ESRRG: variants seen among roughly 807,000 people sequenced by gnomAD.
The protein encoded by ESRRG is estrogen related receptor gamma.
ESRRG carries 13 observed loss-of-function variants against 44.0 expected under a neutral mutation model. The ratio of observed to expected loss-of-function variants is 0.30; its 90% CI spans 0.19 to 0.47. The LOEUF (loss-of-function observed/expected upper bound fraction) is 0.47, where lower values mean the gene tolerates loss of function less well. Among genes scored for constraint, ESRRG ranks in the 20% least tolerant of loss-of-function variants. The pLI is 1.00. For missense variants in ESRRG, 395 were observed against 580.6 expected (o/e 0.68, Z 3.29); for synonymous variants, 215 against 214.6 (o/e 1.00, Z -0.02).
At chr1:216,592,638 T>C (rs1199821870) in intron 3 of ESRRG, among the ~76,000 whole-genome samples, 3 of 152,054 alleles carry the variant, frequency 2.0e-5, no homozygotes, top group Non-Finnish European at 4.4e-5. Flanking sequence ...GTAGCTGGGA[T>C]TACAGGCATG....
At chr1:216,817,360 A>G (rs1239448601) in intron 2 of ESRRG, among the ~76,000 whole-genome samples, 1 of 152,240 alleles carries the variant, frequency 6.6e-6, no homozygotes, top group Non-Finnish European at 1.5e-5. Context: ...TTAGGAACAC[A>G]TTGTCATCAA....
At chr1:216,968,116 G>A (rs2070841655) in intron 1 of ESRRG, among the ~76,000 whole-genome samples, 1 of 152,052 alleles carries the variant, frequency 6.6e-6, no homozygotes, top group Non-Finnish European at 1.5e-5. Context: ...AGTTTTAAGA[G>A]TTCTTTGTAT....
At chr1:216,567,858 G>C (rs2059965308) in intron 4 of ESRRG, 130 bp downstream of exon 4, 1 of 621,230 alleles carries the variant, frequency 1.6e-6, no homozygotes, top group Admixed American at 2.7e-5. Flanking sequence ...TTTGGGAATA[G>C]AGCCACTGTT....
intron 3 of ESRRG, among the ~76,000 whole-genome samples, chr1:216,591,103 C>T (rs1277994050): frequency 2.0e-5 from 3 of 152,060 alleles, no homozygotes; most frequent in Non-Finnish European, 4.4e-5. Flanking sequence ...TGGCAGGCCC[C>T]CAGATAGCTT....
At chr1:217,010,689 C>A (rs910126302) in intron 1 of ESRRG, among the ~76,000 whole-genome samples, 1 of 152,164 alleles carries the variant, frequency 6.6e-6, no homozygotes, top group African/African-American at 2.4e-5. Context: ...TGTAACTCCA[C>A]ACCAAATTTG....
Position 216,793,690 on chromosome 1 carries a change from A to C in ESRRG, c.-13-116199T>G, listed in dbSNP as rs374668912. ...TAAGATTATAGATATTTGTTGTTTT[A>C]AGCTGTTAAAGTTTTCAATTAATTT... On this transcript the variant is annotated intron_variant, in intron 2 of 7. Coordinates refer to the ESRRG transcript ENST00000359162. Among the ~76,000 whole-genome samples the C allele has an allele frequency of 1.1e-4, 16 of 152,294 alleles. No homozygotes were observed. The South Asian group carries it at 3.1e-3, about 30-fold the overall frequency.
chr1:216,731,465 G>T lies in ESRRG; in HGVS notation c.-13-53974C>A, dbSNP rs140590743. Among the ~76,000 whole-genome samples the T allele has an allele frequency of 8.9e-4, 135 of 152,318 alleles. 1 individual carries two copies. The highest frequency in any genetic ancestry group is 3.2e-3 in the African/African-American group (131 of 41,572). ...CCTTGCAATTTTTAAAACAAGACCTGTGTGTTTTGCTTGATGATTTCATTG... is the reference window on the plus strand; with the variant it reads ...CCTTGCAATTTTTAAAACAAGACCTTTGTGTTTTGCTTGATGATTTCATTG... On this transcript the variant is annotated intron_variant, in intron 2 of 7. Transcript: ENST00000359162.
intron 2 of ESRRG, among the ~76,000 whole-genome samples, chr1:216,659,777 G>T (rs1298410102): frequency 6.6e-6 from 1 of 152,132 alleles, no homozygotes; most frequent in African/African-American, 2.4e-5. Flanking sequence ...CCTTTCAGGT[G>T]AGTCCCTCTC....
intron 1 of ESRRG, among the ~76,000 whole-genome samples, chr1:216,716,122 C>T (rs544682764): frequency 6.6e-6 from 1 of 152,104 alleles, no homozygotes; most frequent in African/African-American, 2.4e-5. Context: ...TGTCCGTGTT[C>T]CTTTGGATTC....
At chr1:216,812,908 G>A (rs1251306746) in intron 2 of ESRRG, among the ~76,000 whole-genome samples, 3 of 152,186 alleles carry the variant, frequency 2.0e-5, no homozygotes, top group Non-Finnish European at 4.4e-5. Flanking sequence ...GGATAGGGCT[G>A]ATATAAATGA....
chr1:216,999,102 T>G (rs1243661213), intron 1 of ESRRG, among the ~76,000 whole-genome samples: 1 of 152,156 alleles, frequency 6.6e-6, no homozygotes, highest in Admixed American at 6.5e-5. Flanking sequence ...GTGGCTTGGG[T>G]GAACTATTTA....
intron 2 of ESRRG, among the ~76,000 whole-genome samples, chr1:216,803,404 C>T (rs577783667): frequency 3.9e-5 from 6 of 152,230 alleles, no homozygotes; most frequent in East Asian, 3.9e-4. Context: ...TGTCCCCCGC[C>T]CCATCACCAA....
At chr1:217,080,015 G>A (rs982682668) in intron 1 of ESRRG, among the ~76,000 whole-genome samples, 1 of 152,096 alleles carries the variant, frequency 6.6e-6, no homozygotes, top group African/African-American at 2.4e-5. Context: ...TCACACAGCT[G>A]GTAAATTGCA....
chr1:216,543,914 A>G (rs4147270), intron 5 of ESRRG, among the ~76,000 whole-genome samples: 44,059 of 151,996 alleles, frequency 0.29, 7,379 homozygotes, highest in Admixed American at 0.4. Flanking sequence ...TGTTTCAAAT[A>G]TTGAATAGAA....
intron 3 of ESRRG, among the ~76,000 whole-genome samples, chr1:216,597,140 C>T (rs1184635089): frequency 6.6e-6 from 1 of 152,154 alleles, no homozygotes; most frequent in Non-Finnish European, 1.5e-5. Context: ...CTGTTGGCCT[C>T]ATTATAGTCA....
At chr1:216,688,875 T>C (rs961190778) in intron 1 of ESRRG, among the ~76,000 whole-genome samples, 11 of 152,250 alleles carry the variant, frequency 7.2e-5, no homozygotes, top group Admixed American at 2.6e-4. Context: ...GAGAGAGTGG[T>C]GTATATATTC....
Position 216,875,680 on chromosome 1 carries a change from AAATT to A in ESRRG, c.-14+63898_-14+63901del, listed in dbSNP as rs2096339580. 2.6e-5 allele frequency among the ~76,000 whole-genome samples: 4 copies of A among 152,056 alleles called. No homozygotes were observed. In the South Asian group the frequency reaches 8.3e-4, roughly 31 times the overall value. On this transcript the variant is annotated intron_variant, in intron 2 of 7. Coordinates refer to the ESRRG transcript ENST00000359162. ...TATTACTTCATTCTCATGTTGATGA[AAATT>A]TGGGTTTGTTCCAGCGTTTTATTGT... is the stretch of plus-strand genomic sequence containing the variant.
chr1:216,951,820 T>A (rs919402159), intron 1 of ESRRG, among the ~76,000 whole-genome samples: 1 of 151,642 alleles, frequency 6.6e-6, no homozygotes, highest in Non-Finnish European at 1.5e-5. Flanking sequence ...GAATTCTGAC[T>A]CTTGTTAAGT....
chr1:217,003,480 A>T (rs1422837952), intron 1 of ESRRG, among the ~76,000 whole-genome samples: 4 of 151,284 alleles, frequency 2.6e-5, no homozygotes, highest in African/African-American at 9.7e-5. Context: ...TACTCTAAAA[A>T]TAATAATTTA....
Sources: gnomAD v4.1 joint callset for allele counts (sites outside exome capture counted in the v4.1 genomes callset) on GRCh38, gnomAD v4.1.1 for gene constraint, MANE v1.5 for transcripts, NCBI Gene and HGNC (gene_info 2026-07-23, HGNC 2026-07-21) for gene names.